The following NEXMIF variants were observed in gnomAD, a reference collection of about 807,000 sequenced individuals.
The protein encoded by NEXMIF is XLMR protein related to neurite extension.
In NEXMIF, 8 loss-of-function variants were observed where a neutral mutation model predicts 62.1. The observed-to-expected ratio is 0.13, with a 90% CI of 0.08 to 0.23. The LOEUF (loss-of-function observed/expected upper bound fraction) is 0.23. NEXMIF is among the 10% of genes least tolerant of loss of function. The pLI is 1.00. For missense variants in NEXMIF, 976 were observed against 1,113.3 expected (o/e 0.88, Z 1.75); for synonymous variants, 404 against 416.6 (o/e 0.97, Z 0.37).
intron 1 of NEXMIF, among the ~76,000 whole-genome samples, chrX:74,889,448 T>C (rs1286404987): frequency 8.9e-6 from 1 of 112,016 alleles, no homozygotes; most frequent in Non-Finnish European, 1.9e-5. Flanking sequence ...CTTAGAAAAC[T>C]TTTTATTTAT....
At chrX:74,787,603 A>T (rs1328462227) in intron 1 of NEXMIF, among the ~76,000 whole-genome samples, 2 of 111,794 alleles carry the variant, frequency 1.8e-5, no homozygotes, top group Non-Finnish European at 3.8e-5. Context: ...ACAGGCCCAC[A>T]CATACACATG....
In NEXMIF at chrX:74,741,491, G is replaced by A; in HGVS notation, c.3066C>T (p.Ile1022=). ...KSCEKDGDDD[I]TDDFLAHCSP... The stretch of plus-strand genomic sequence containing the variant: ...TGCAATGGGCCAGGAAGTCATCAGT[G>A]ATATCATCATCGCCATCCTTTTCAC... The change falls in exon 3 of 4, where the codon ATC becomes ATT. Residue 1022 remains isoleucine (I), a synonymous_variant. Coordinates refer to ENST00000055682, the MANE Select transcript of NEXMIF (RefSeq NM_001008537.3). 4 of 1,211,496 alleles carry A rather than the reference G, an allele frequency of 3.3e-6. No individual in the cohort carries two copies. Among genetic ancestry groups the A allele is most frequent in the Non-Finnish European group, 4.5e-6 (4 of 895,368 alleles).
In NEXMIF at chrX:74,746,138, C is replaced by T. The variant is rs6647529; in HGVS notation, c.-47-441G>A. On this transcript the variant is annotated intron_variant, in intron 1 of 3. Coordinates refer to ENST00000055682, the MANE Select transcript of NEXMIF (RefSeq NM_001008537.3). ...CATTTCTATTTCAAATGATCAGATG[C>T]TCTTCAAAAACAAGGCAATTCATAT... is the stretch of plus-strand genomic sequence containing the variant. Among the ~76,000 whole-genome samples, 4 of 112,098 alleles carry T rather than the reference C, an allele frequency of 3.6e-5. No homozygotes were observed. In the East Asian group the frequency reaches 1.1e-3, roughly 31 times the overall value.
intron 1 of NEXMIF, among the ~76,000 whole-genome samples, chrX:74,776,992 G>C (rs915577268): frequency 9.0e-6 from 1 of 111,103 alleles, no homozygotes; most frequent in Non-Finnish European, 1.9e-5. Flanking sequence ...ACAACAAGCT[G>C]GGGGAAATGT....
intron 1 of NEXMIF, among the ~76,000 whole-genome samples, chrX:74,754,996 C>T (rs1373353889): frequency 8.9e-6 from 1 of 112,181 alleles, no homozygotes; most frequent in African/African-American, 3.2e-5. Flanking sequence ...GTTTTACCAT[C>T]CATAAAATCT....
intron 1 of NEXMIF, among the ~76,000 whole-genome samples, chrX:74,905,017 T>C (rs767575973): frequency 9.0e-6 from 1 of 111,670 alleles, no homozygotes; most frequent in East Asian, 2.8e-4. Flanking sequence ...AGCCATCAAT[T>C]GGTTGGATTT....
chrX:74,869,892 C>T (rs927739772), intron 1 of NEXMIF, among the ~76,000 whole-genome samples: 7 of 110,719 alleles, frequency 6.3e-5, no homozygotes, highest in African/African-American at 2.0e-4. Flanking sequence ...GTCTATACTA[C>T]CCAAATAAAT....
chrX:74,828,839 T>C (rs1350494294), intron 1 of NEXMIF, among the ~76,000 whole-genome samples: 1 of 111,841 alleles, frequency 8.9e-6, no homozygotes, highest in Admixed American at 9.5e-5. Context: ...ATCTAATCTC[T>C]TCTTTGCTCA....
chrX:74,882,493 G>T (rs1159261409), intron 1 of NEXMIF, among the ~76,000 whole-genome samples: 1 of 112,342 alleles, frequency 8.9e-6, no homozygotes, highest in Admixed American at 9.4e-5. Context: ...CACACCAGGA[G>T]ATTATATCCC....
chrX:74,831,044 C>G (rs2080435020), intron 1 of NEXMIF, among the ~76,000 whole-genome samples: 1 of 110,268 alleles, frequency 9.1e-6, no homozygotes, highest in African/African-American at 3.3e-5. Context: ...GCCTTTAATA[C>G]CTTTCTCTAG....
chrX:74,925,436 C>A lies in NEXMIF; in HGVS notation c.-601G>T, dbSNP rs953043333. On this transcript the variant is annotated 5_prime_UTR_variant, in exon 1 of 4. Coordinates refer to ENST00000055682, the MANE Select transcript of NEXMIF (RefSeq NM_001008537.3). ...GCGGCGGCGGCTGCTGCTGCTGCTG[C>A]TGATGCTACTGGTTTTCCTTCCCAG... 7 of 186,445 alleles carry A rather than the reference C, an allele frequency of 3.8e-5. No individual in the cohort carries two copies. The highest frequency in any genetic ancestry group is 1.5e-4 in the African/African-American group (5 of 32,601). The allele number at this position is 186,445 out of a possible 1,213,427, so 15.4% of individuals were successfully genotyped here.
chrX:74,877,983 T>C (rs1246307457), intron 1 of NEXMIF, among the ~76,000 whole-genome samples: 1 of 112,480 alleles, frequency 8.9e-6, no homozygotes, highest in Non-Finnish European at 1.9e-5. Context: ...AGCCTTCTTC[T>C]CTCAGCTTGT....
At chrX:74,790,888 G>C (rs1189088242) in intron 1 of NEXMIF, among the ~76,000 whole-genome samples, 4 of 109,374 alleles carry the variant, frequency 3.7e-5, no homozygotes, top group Non-Finnish European at 7.6e-5. Context: ...TGAGACAATG[G>C]GGTTTTCTAG....
intron 1 of NEXMIF, among the ~76,000 whole-genome samples, chrX:74,909,764 T>A (rs764686465): frequency 8.9e-6 from 1 of 111,768 alleles, no homozygotes; most frequent in African/African-American, 3.3e-5. Context: ...GCCCAAGGTC[T>A]CCATGCTGTG....
At chrX:74,754,512 T>G (rs762847217) in intron 1 of NEXMIF, among the ~76,000 whole-genome samples, 125 of 108,457 alleles carry the variant, frequency 1.2e-3, no homozygotes, top group African/African-American at 3.9e-3. Flanking sequence ...TTTCACCATC[T>G]TGGCCAGGCT....
intron 1 of NEXMIF, among the ~76,000 whole-genome samples, chrX:74,825,842 C>G (rs903407080): frequency 1.8e-5 from 2 of 112,479 alleles, no homozygotes; most frequent in African/African-American, 6.5e-5. Flanking sequence ...TGTGAGCCAC[C>G]ACCCGGCCAT....
At chrX:74,821,911 G>A (rs983936067) in intron 1 of NEXMIF, among the ~76,000 whole-genome samples, 67 of 111,171 alleles carry the variant, frequency 6.0e-4, no homozygotes, top group African/African-American at 2.0e-3. Flanking sequence ...CACCACGCTC[G>A]GCTAATTTTT....
chrX:74,756,153 G>A (rs2080158630), intron 1 of NEXMIF, among the ~76,000 whole-genome samples: 2 of 111,048 alleles, frequency 1.8e-5, no homozygotes, highest in African/African-American at 3.3e-5. Context: ...TGTAGAGACG[G>A]GGTTTCACCA....
chrX:74,779,225 TTGAG>T (rs925473249), intron 1 of NEXMIF, among the ~76,000 whole-genome samples: 3 of 112,547 alleles, frequency 2.7e-5, no homozygotes, highest in African/African-American at 6.5e-5. Context: ...TTCTGACTGA[TTGAG>T]TAAGACGTAA....
Sources: gnomAD v4.1 joint callset for allele counts (sites outside exome capture counted in the v4.1 genomes callset) on GRCh38, gnomAD v4.1.1 for gene constraint, MANE v1.5 for transcripts, NCBI Gene and HGNC (gene_info 2026-07-23, HGNC 2026-07-21) for gene names.